The following CIP2A variants were observed in gnomAD, a reference collection of about 807,000 sequenced individuals.
CIP2A encodes cellular inhibitor of PP2A, also known as protein CIP2A.
Under a neutral mutation model 110.9 loss-of-function variants are expected in CIP2A, and 103 were observed. That is an observed-to-expected ratio of 0.93 (90% CI 0.79 to 1.09). The LOEUF is 1.09. Ranked by LOEUF, CIP2A falls within the 50% of genes least tolerant of loss-of-function variation. The pLI, the probability that CIP2A is intolerant of heterozygous loss-of-function variation, is 0.00. For missense variants in CIP2A, 1,088 were observed against 1,038.4 expected, an observed-to-expected ratio of 1.05 and a Z score of -0.66; for synonymous variants, 381 against 361.6, an observed-to-expected ratio of 1.05 and a Z score of -0.61.
chr3:108,583,265 C>T (rs1938943154), intron 2 of CIP2A, among the ~76,000 whole-genome samples, 182 bp from the exon 3 acceptor site: 1 of 152,014 alleles, frequency 6.6e-6, no homozygotes, highest in Non-Finnish European at 1.5e-5. Flanking sequence ...GTAAAATAAA[C>T]TAGTATCAAA....
chr3:108,553,685 T>A lies in CIP2A; in HGVS notation c.2370A>T (p.Val790=). 2 of 1,514,334 alleles carry A rather than the reference T, an allele frequency of 1.3e-6. No homozygotes were observed. Among genetic ancestry groups the A allele is most frequent in the Non-Finnish European group, 1.8e-6 (2 of 1,091,248 alleles). 93.8% of individuals were successfully genotyped at this position (1,514,334 alleles called of 1,614,324 possible). The stretch of plus-strand genomic sequence containing the variant: ...GTTCTCTGTCTACTAGCTGATTCTG[T>A]ACTTCTTTTCTCTGTTCTTCTTTCT... ...LIEKEEQRKE[V]QNQLVDREHK... is the part of the protein sequence containing the mutation. Residue 790 remains valine (V), a synonymous_variant, in exon 19 of 21, where the codon GTA becomes GTT. Transcript: ENST00000295746.
chr3:108,560,673 T>C lies in CIP2A; in HGVS notation c.1803A>G (p.Ile601Met). The change falls in exon 14 of 21, where the codon ATA becomes ATG. Residue 601 changes from isoleucine (I) to methionine (M), a missense_variant. Ile to Met is a conservative substitution (Grantham distance 10). Coordinates refer to ENST00000295746, the MANE Select transcript of CIP2A (RefSeq NM_020890.3). Reference sequence around the variant, plus strand: ...CCACCATTCCAGACTGAAGTTTCTCTATTAATTCTTCAATATTCAATCCAG... The same window carrying C: ...CCACCATTCCAGACTGAAGTTTCTCCATTAATTCTTCAATATTCAATCCAG... Reference protein sequence around the residue: ...GVPGLNIEELIEKLQSGMVVK... With the variant: ...GVPGLNIEELMEKLQSGMVVK... The C allele has an allele frequency of 6.2e-7, 1 of 1,608,648 alleles. No individual in the cohort carries two copies. Among genetic ancestry groups the C allele is most frequent in the Non-Finnish European group, 8.5e-7 (1 of 1,177,442 alleles).
intron 12 of CIP2A, among the ~76,000 whole-genome samples, chr3:108,563,539 C>G (rs1938079823): frequency 6.6e-6 from 1 of 151,782 alleles, no homozygotes; most frequent in Non-Finnish European, 1.5e-5. Flanking sequence ...TTAAAAAACC[C>G]ACAACTGACT....
chr3:108,587,897 T>C lies in CIP2A; in HGVS notation c.102+1377A>G, dbSNP rs539245749. The stretch of plus-strand genomic sequence containing the variant: ...CCCGAGTTCAAGCGATTCTCCAGCC[T>C]CAGCCTCCCGAGTAGCTGGGACAAC... On this transcript the variant is annotated intron_variant, in intron 1 of 20. Coordinates refer to ENST00000295746, the MANE Select transcript of CIP2A (RefSeq NM_020890.3). 3.2e-3 allele frequency among the ~76,000 whole-genome samples: 490 copies of C among 152,226 alleles called. 1 individual carries two copies. The highest frequency in any genetic ancestry group is 0.011 in the African/African-American group (473 of 41,534).
At chr3:108,573,731 C>T (rs938173570) in intron 8 of CIP2A, among the ~76,000 whole-genome samples, 4 of 151,846 alleles carry the variant, frequency 2.6e-5, no homozygotes, top group Admixed American at 2.0e-4. Context: ...TTCTAGGGTT[C>T]GAAATAAAAA....
chr3:108,573,930 G>T (rs1938483144), intron 8 of CIP2A, among the ~76,000 whole-genome samples: 1 of 152,004 alleles, frequency 6.6e-6, no homozygotes, highest in South Asian at 2.1e-4. Flanking sequence ...GAAGATTACA[G>T]ATCTATATGT....
intron 11 of CIP2A, among the ~76,000 whole-genome samples, 190 bp from the exon 12 acceptor site, chr3:108,565,644 A>T (rs1403654162): frequency 6.6e-6 from 1 of 151,822 alleles, no homozygotes; most frequent in Non-Finnish European, 1.5e-5. Context: ...CAAAGAGAAC[A>T]AACTGGCATT....
At chr3:108,573,107 A>G (rs1938453370) in intron 8 of CIP2A, among the ~76,000 whole-genome samples, 1 of 152,156 alleles carries the variant, frequency 6.6e-6, no homozygotes, top group South Asian at 2.1e-4. Flanking sequence ...TAATTTCTAA[A>G]TGTTAAACCA....
chr3:108,550,171 T>TA lies in CIP2A; in HGVS notation c.*977dup, dbSNP rs1379762451. 6.6e-6 allele frequency: 1 copy of TA among 151,674 alleles called. No homozygotes were observed. The highest frequency in any genetic ancestry group is 1.5e-5 in the Non-Finnish European group (1 of 67,796). 9.4% of individuals were successfully genotyped at this position (151,674 alleles called of 1,614,324 possible). On this transcript the variant is annotated 3_prime_UTR_variant, in exon 21 of 21. Transcript: ENST00000295746. ...GTAAAAACGTTTCTTACAGAGTAGT[T>TA]AGAGGATATGATTCAAATGAAAAGT...
At chr3:108,580,554 G>A (rs1043473050) in intron 5 of CIP2A, among the ~76,000 whole-genome samples, 1 of 151,740 alleles carries the variant, frequency 6.6e-6, no homozygotes, top group African/African-American at 2.4e-5. Context: ...AAATCGAACG[G>A]GTAATGCTGA....
chr3:108,575,352 A>ATGTATG (rs1938546534), intron 8 of CIP2A, among the ~76,000 whole-genome samples: 1 of 148,022 alleles, frequency 6.8e-6, no homozygotes, highest in African/African-American at 2.6e-5. Context: ...ATATACACAC[A>ATGTATG]TGTGTATATA....
chr3:108,571,970 G>A (rs1004836008), intron 8 of CIP2A, among the ~76,000 whole-genome samples: 3 of 152,054 alleles, frequency 2.0e-5, no homozygotes, highest in Non-Finnish European at 4.4e-5. Flanking sequence ...CCTTAAGATT[G>A]ATAAAGTGGT....
At position 108,580,235 on chromosome 3, in the gene CIP2A, T is replaced by A. The variant is rs983735671; in HGVS notation, c.550-547A>T. ...CAATTAACTTTGCCATATTTGCTGATTAGCATTTAGATTTAAGAGATCACT... is the reference window on the plus strand; with the variant it reads ...CAATTAACTTTGCCATATTTGCTGAATAGCATTTAGATTTAAGAGATCACT... On this transcript the variant is annotated intron_variant, in intron 5 of 20. Coordinates refer to ENST00000295746, the MANE Select transcript of CIP2A (RefSeq NM_020890.3). Among the ~76,000 whole-genome samples the A allele has an allele frequency of 4.6e-5, 7 of 152,194 alleles. 1 individual carries two copies. Among genetic ancestry groups the A allele is most frequent in the Non-Finnish European group, 8.8e-5 (6 of 68,022 alleles).
chr3:108,560,590 A>G, intron 14 of CIP2A, 59 bp downstream of exon 14: 1 of 989,862 alleles, frequency 1.0e-6, no homozygotes. Context: ...TACACGTTAT[A>G]ATTGGGACTG....
intron 8 of CIP2A, chr3:108,575,130 G>C (rs1344014434): frequency 1.3e-5 from 2 of 151,934 alleles, no homozygotes; most frequent in Non-Finnish European, 1.5e-5. Flanking sequence ...TCCAAAAAAA[G>C]AATCAATCTA....
rs774620371 is a variant in CIP2A at position 108,568,289 on chromosome 3, GA to G, written c.1138del (p.Ser380ProfsTer7). On this transcript the variant is annotated frameshift_variant, in exon 10 of 21. Transcript: ENST00000295746. LOFTEE classifies it high-confidence loss of function. ...AAGGGTCACAAAACGATCAGCCGAG[GA>G]ACAGTTAGCAGCATCTATGACATCC... The part of the protein sequence containing the change: ...FEDVIDAANC[S>X]SADRFVTLLL... 9 of 1,611,922 alleles carry G rather than the reference GA, an allele frequency of 5.6e-6. No individual in the cohort carries two copies. The highest frequency in any genetic ancestry group is 7.6e-6 in the Non-Finnish European group (9 of 1,178,614).
chr3:108,581,594 A>T, intron 4 of CIP2A, 83 bp from the exon 5 acceptor site: 1 of 796,122 alleles, frequency 1.3e-6, no homozygotes, highest in Non-Finnish European at 2.1e-6. Context: ...TCAAAATGAT[A>T]TAGTTAAGTT....
Position 108,553,695 on chromosome 3 carries a change from C to T in CIP2A, c.2360G>A (p.Arg787Lys), listed in dbSNP as rs1937664093. Residue 787 changes from arginine (R) to lysine (K), a missense_variant, in exon 19 of 21, where the codon AGA (arginine) becomes AAA (lysine). Physicochemically the swap from Arg to Lys is conservative, Grantham distance 26 (BLOSUM62 2). Transcript: ENST00000295746. ...IAQLIEKEEQ[R>K]KEVQNQLVDR... is the part of the protein sequence containing the mutation. ...TACTAGCTGATTCTGTACTTCTTTT[C>T]TCTGTTCTTCTTTCTCTATTAATTG... 6.7e-7 allele frequency: 1 copy of T among 1,500,536 alleles called. No homozygotes were observed. The highest frequency in any genetic ancestry group is 1.7e-5 in the Admixed American group (1 of 59,720). 93.0% of individuals were successfully genotyped at this position (1,500,536 alleles called of 1,614,324 possible). A position where few individuals can be genotyped will look rare whatever the true frequency, so the allele number is the denominator to read the frequency against.
In CIP2A at chr3:108,589,270, T is replaced by C; in HGVS notation, c.102+4A>G. On this transcript the variant is annotated splice_donor_region_variant and intron_variant, in intron 1 of 20. Transcript: ENST00000295746. ...CATCTGTCCTCTACCCCAGAGCCTC[T>C]CACCTCCAAGTGCCGCAAAAGCTGA... The C allele has an allele frequency of 2.5e-6, 4 of 1,611,926 alleles. No homozygotes were observed. The highest frequency in any genetic ancestry group is 3.4e-6 in the Non-Finnish European group (4 of 1,178,000).
Sources: gnomAD v4.1 joint callset for allele counts (sites outside exome capture counted in the v4.1 genomes callset) on GRCh38, gnomAD v4.1.1 for gene constraint, MANE v1.5 for transcripts, NCBI Gene and HGNC (gene_info 2026-07-23, HGNC 2026-07-21) for gene names.